PRR5L: variants seen among roughly 807,000 people sequenced by gnomAD.
PRR5L encodes the protein proline rich 5 like, also known as proline-rich protein 5-like.
A neutral mutation model predicts 36.4 loss-of-function variants in PRR5L; 21 were observed. That is an observed-to-expected ratio of 0.58 (90% CI 0.41 to 0.83). The LOEUF (loss-of-function observed/expected upper bound fraction) is 0.83, where lower values mean the gene tolerates loss of function less well. PRR5L is among the 40% of genes least tolerant of loss of function. The pLI is 0.00. For synonymous variants in PRR5L, 188 were observed against 197.0 expected, an observed-to-expected ratio of 0.95 and a Z score of 0.38; for missense variants, 381 against 473.3, an observed-to-expected ratio of 0.80 and a Z score of 1.81.
At chr11:36,451,439 A>T in intron 8 of PRR5L, 104 bp downstream of exon 8, 1 of 1,382,496 alleles carries the variant, frequency 7.2e-7, no homozygotes, top group Non-Finnish European at 1.0e-6. Context: ...GCACTGTTTA[A>T]CTGAGCACAG....
At chr11:36,451,483 G>A (rs111958635) in intron 8 of PRR5L, 148 bp downstream of exon 8, 27 of 954,100 alleles carry the variant, frequency 2.8e-5, no homozygotes, top group African/African-American at 1.8e-4. Context: ...GTGCAAATCC[G>A]TGCATCTTAA....
chr11:36,323,209 A>G (rs574315833), intron 1 of PRR5L: 2 of 152,390 alleles, frequency 1.3e-5, no homozygotes, highest in East Asian at 3.9e-4. Flanking sequence ...CAGCCCACGG[A>G]GAAAGGATAA....
intron 3 of PRR5L, among the ~76,000 whole-genome samples, chr11:36,419,010 TC>T (rs1383537511): frequency 6.6e-6 from 1 of 152,166 alleles, no homozygotes; most frequent in Non-Finnish European, 1.5e-5. Flanking sequence ...AATTAGGATT[TC>T]CTTTGGCCAG....
chr11:36,306,032 T>G (rs11033545), intron 1 of PRR5L, among the ~76,000 whole-genome samples: 62,175 of 151,968 alleles, frequency 0.41, 12,722 homozygotes, highest in African/African-American at 0.43. Context: ...GAATCTCCTT[T>G]CAAATGACAG....
chr11:36,421,468 TCA>T (rs1379275984), intron 4 of PRR5L, among the ~76,000 whole-genome samples: 8 of 152,232 alleles, frequency 5.3e-5, no homozygotes, highest in African/African-American at 1.9e-4. Flanking sequence ...GAACTAGTTT[TCA>T]CAGTTTTAAA....
rs1565409223 is a variant in PRR5L at position 36,351,654 on chromosome 11, TATAAA to T, written c.-125-49342_-125-49338del. 4.7e-3 allele frequency among the ~76,000 whole-genome samples: 17 copies of T among 3,650 alleles called. 3 individuals carry two copies. The highest frequency in any genetic ancestry group is 0.25 in the Middle Eastern group (1 of 4). 2.4% of individuals were successfully genotyped at this position (3,650 alleles called of 152,430 possible). A position where few individuals can be genotyped will look rare whatever the true frequency, so the allele number is the denominator to read the frequency against. On this transcript the variant is annotated intron_variant, in intron 1 of 8. Transcript: ENST00000530639. Reference sequence around the variant, plus strand: ...ATATAAATATATATTTATATATTTATATAAATATATATTTATATACTTATATATTT... The same window carrying T: ...ATATAAATATATATTTATATATTTATTATATATTTATATACTTATATATTT...
chr11:36,400,015 C>T (rs1857756708), intron 1 of PRR5L, among the ~76,000 whole-genome samples: 1 of 152,230 alleles, frequency 6.6e-6, no homozygotes, highest in East Asian at 1.9e-4. Context: ...CAAGTTAAGA[C>T]TCAAACCTGA....
At chr11:36,397,559 C>T (rs1181953203) in intron 1 of PRR5L, among the ~76,000 whole-genome samples, 8 of 142,046 alleles carry the variant, frequency 5.6e-5, no homozygotes, top group Admixed American at 3.0e-4. Context: ...CGGATTCAAG[C>T]GATTCTCCTG....
At chr11:36,381,461 G>A (rs1857366625) in intron 1 of PRR5L, among the ~76,000 whole-genome samples, 1 of 151,746 alleles carries the variant, frequency 6.6e-6, no homozygotes, top group Non-Finnish European at 1.5e-5. Context: ...TGGGTGGGGA[G>A]GGGGAGAAAA....
intron 7 of PRR5L, among the ~76,000 whole-genome samples, chr11:36,447,922 G>T (rs1363847250): frequency 6.6e-6 from 1 of 152,212 alleles, no homozygotes; most frequent in Non-Finnish European, 1.5e-5. Context: ...CCTGAATAAG[G>T]AGTCTTGAAA....
intron 1 of PRR5L, among the ~76,000 whole-genome samples, chr11:36,387,257 G>A (rs144921437): frequency 3.3e-5 from 5 of 152,094 alleles, no homozygotes; most frequent in Non-Finnish European, 7.4e-5. Context: ...ACCACACACC[G>A]GGGCCTGTCG....
intron 1 of PRR5L, among the ~76,000 whole-genome samples, chr11:36,369,538 A>G (rs1263394363): frequency 6.6e-6 from 1 of 152,172 alleles, no homozygotes; most frequent in Non-Finnish European, 1.5e-5. Context: ...AAAGGCATCT[A>G]CAATCACCAA....
intron 1 of PRR5L, among the ~76,000 whole-genome samples, chr11:36,369,477 G>T (rs1187850874): frequency 6.6e-6 from 1 of 152,172 alleles, no homozygotes; most frequent in Non-Finnish European, 1.5e-5. Context: ...CAGAGTCTGA[G>T]GTATGTGATG....
chr11:36,314,975 T>C, intron 1 of PRR5L, among the ~76,000 whole-genome samples: 1 of 152,250 alleles, frequency 6.6e-6, no homozygotes, highest in East Asian at 1.9e-4. Flanking sequence ...TGGTGTCTAA[T>C]AGCATCACAA....
intron 1 of PRR5L, among the ~76,000 whole-genome samples, chr11:36,383,695 CT>C (rs34900545): frequency 0.58 from 62,870 of 108,752 alleles, 16,241 homozygotes; most frequent in Non-Finnish European, 0.6. Context: ...CTTTCTTTTC[CT>C]TTTTTTTTTT....
intron 1 of PRR5L, among the ~76,000 whole-genome samples, chr11:36,317,408 T>C (rs1334215733): frequency 6.6e-6 from 1 of 152,230 alleles, no homozygotes; most frequent in East Asian, 1.9e-4. Context: ...AACTTTGCTA[T>C]GTAAACTGTT....
intron 3 of PRR5L, among the ~76,000 whole-genome samples, chr11:36,412,888 A>T (rs1858056251): frequency 6.6e-6 from 1 of 152,046 alleles, no homozygotes; most frequent in African/African-American, 2.4e-5. Flanking sequence ...ACATAACATT[A>T]TGTTTTCAGT....
chr11:36,451,692 C>T, intron 8 of PRR5L, among the ~76,000 whole-genome samples: 1 of 152,228 alleles, frequency 6.6e-6, no homozygotes, highest in East Asian at 1.9e-4. Context: ...TACACCCTCC[C>T]TCTGGTTGAG....
intron 8 of PRR5L, among the ~76,000 whole-genome samples, chr11:36,452,260 G>A (rs78493735): frequency 1.3e-5 from 2 of 152,290 alleles, no homozygotes; most frequent in Admixed American, 6.5e-5. Flanking sequence ...AGATGCAGAG[G>A]CAGAAATGGA....
Sources: gnomAD v4.1 joint callset for allele counts (sites outside exome capture counted in the v4.1 genomes callset) on GRCh38, gnomAD v4.1.1 for gene constraint, MANE v1.5 for transcripts, NCBI Gene and HGNC (gene_info 2026-07-23, HGNC 2026-07-21) for gene names.